The following NRDC variants were observed in gnomAD, a reference collection of about 807,000 sequenced individuals.
NRDC encodes nardilysin.
A neutral mutation model predicts 147.1 loss-of-function variants in NRDC; 54 were observed. That is an observed-to-expected ratio of 0.37 (90% CI 0.29 to 0.46). NRDC has a LOEUF of 0.46. Among genes scored for constraint, NRDC ranks in the 20% least tolerant of loss-of-function variants. NRDC has a pLI of 1.00. For synonymous variants in NRDC, 440 were observed against 482.1 expected, an observed-to-expected ratio of 0.91 and a Z score of 1.14; for missense variants, 1,082 against 1,370.6, an observed-to-expected ratio of 0.79 and a Z score of 3.33.
chr1:51,789,677 T>C lies in NRDC; in HGVS notation c.3169-20A>G, dbSNP rs1678487358. 3.9e-6 allele frequency: 6 copies of C among 1,558,324 alleles called. No homozygotes were observed. The highest frequency in any genetic ancestry group is 1.1e-5 in the South Asian group (1 of 89,908). ...TTCAATCTTACAAGGGAAGGGAAGATAGGAAAGAAATTCAAGAAGAAAGAT... is the reference window on the plus strand; with the variant it reads ...TTCAATCTTACAAGGGAAGGGAAGACAGGAAAGAAATTCAAGAAGAAAGAT... On this transcript the variant is annotated intron_variant, in intron 29 of 30. Coordinates refer to ENST00000352171, the MANE Select transcript of NRDC (RefSeq NM_001101662.2).
intron 1 of NRDC, among the ~76,000 whole-genome samples, chr1:51,848,557 G>C (rs938621569): frequency 6.6e-6 from 1 of 152,050 alleles, no homozygotes; most frequent in African/African-American, 2.4e-5. Flanking sequence ...TTATTACCTA[G>C]AACAAGAGAA....
chr1:51,878,415 G>A lies in NRDC; in HGVS notation c.201C>T (p.Pro67=), dbSNP rs144511135. 7.6e-5 allele frequency: 123 copies of A among 1,614,082 alleles called. 1 individual carries two copies. The African/African-American group carries it at 1.5e-3, about 19-fold the overall frequency. The stretch of plus-strand genomic sequence containing the variant: ...TGTTCTCGCCCAGATCCTGTCCATT[G>A]GGCTGCAGGTCAGGGCAGCTGCAGG... ...KSTCSCPDLQ[P]NGQDLGENSR... Residue 67 remains proline (P), a synonymous_variant, in exon 1 of 31, where the codon CCC becomes CCT. Transcript: ENST00000352171.
chr1:51,859,466 C>T (rs2124064579), intron 1 of NRDC, among the ~76,000 whole-genome samples: 1 of 152,374 alleles, frequency 6.6e-6, no homozygotes, highest in East Asian at 1.9e-4. Context: ...AGGCCACCAG[C>T]TGCAAGGCAG....
chr1:51,828,352 T>C (rs1399832078), intron 4 of NRDC, among the ~76,000 whole-genome samples: 1 of 152,232 alleles, frequency 6.6e-6, no homozygotes, highest in South Asian at 2.1e-4. Context: ...CTTTGTAAAA[T>C]TGTAATATCA....
At chr1:51,847,881 G>C (rs549048326) in intron 1 of NRDC, among the ~76,000 whole-genome samples, 1 of 152,270 alleles carries the variant, frequency 6.6e-6, no homozygotes. Context: ...CCGAGGAGGC[G>C]CCAAGAGCAA....
In NRDC at chr1:51,789,364, A is replaced by G. The variant is rs1169299748; in HGVS notation, c.3328T>C (p.Cys1110Arg). The change falls in exon 31 of 31, where the codon TGT (cysteine) becomes CGT (arginine). Residue 1110 changes from cysteine (C) to arginine (R), a missense_variant. This residue lies in a region of NRDC where 187 missense variants were observed against 193.6 expected (regional missense o/e 0.97). Coordinates refer to ENST00000352171, the MANE Select transcript of NRDC (RefSeq NM_001101662.2). The stretch of plus-strand genomic sequence containing the variant: ...AGGTAGGTCAGCTGCATCACTTCAC[A>G]AGAAGAATTTGAATCCTCACTAGAA... ...TPSSEDSNSS[C>R]EVMQLTYLPT... The G allele has an allele frequency of 1.2e-6, 2 of 1,613,840 alleles. No individual in the cohort carries two copies. The highest frequency in any genetic ancestry group is 1.7e-6 in the Non-Finnish European group (2 of 1,180,020).
At chr1:51,831,563 C>G (rs1187171894) in intron 4 of NRDC, among the ~76,000 whole-genome samples, 1 of 151,856 alleles carries the variant, frequency 6.6e-6, no homozygotes, top group Non-Finnish European at 1.5e-5. Flanking sequence ...ATTTGCATTG[C>G]CTTCATTGAT....
In NRDC at chr1:51,824,961, T is replaced by C. The variant is rs74982383; in HGVS notation, c.1036+326A>G. On this transcript the variant is annotated intron_variant, in intron 6 of 30. Transcript: ENST00000352171. ...AACCACCACGCCTGGCCTAAACCTG[T>C]TTATCTTTAAATGGAGATGATAATG... Among the ~76,000 whole-genome samples the C allele has an allele frequency of 2.9e-3, 440 of 152,302 alleles. 14 individuals carry two copies. The East Asian group carries it at 0.078, about 27-fold the overall frequency.
intron 1 of NRDC, among the ~76,000 whole-genome samples, chr1:51,846,639 C>T (rs1359662908): frequency 6.6e-6 from 1 of 152,212 alleles, no homozygotes; most frequent in Non-Finnish European, 1.5e-5. Context: ...AAGCTGCAGA[C>T]CTTCAGGGTG....
chr1:51,877,383 T>C (rs1683383782), intron 1 of NRDC, among the ~76,000 whole-genome samples: 1 of 151,210 alleles, frequency 6.6e-6, no homozygotes, highest in Non-Finnish European at 1.5e-5. Flanking sequence ...AGTCCAGGCC[T>C]GGCACAGTGG....
intron 11 of NRDC, among the ~76,000 whole-genome samples, chr1:51,815,277 C>T (rs1378714265): frequency 2.0e-5 from 3 of 151,444 alleles, no homozygotes; most frequent in African/African-American, 7.3e-5. Flanking sequence ...TCCACCTCGG[C>T]CTCCCAAGTG....
intron 1 of NRDC, among the ~76,000 whole-genome samples, chr1:51,873,494 T>TATTC (rs1683183602): frequency 6.7e-6 from 1 of 149,510 alleles, no homozygotes; most frequent in Non-Finnish European, 1.5e-5. Flanking sequence ...TTTATTTATT[T>TATTC]ATTTATTTAT....
intron 2 of NRDC, among the ~76,000 whole-genome samples, chr1:51,838,789 T>C (rs1208593029): frequency 2.0e-5 from 3 of 152,306 alleles, no homozygotes; most frequent in East Asian, 1.9e-4. Context: ...TTATGAGATC[T>C]ATTTTAAGTT....
intron 10 of NRDC, among the ~76,000 whole-genome samples, 154 bp downstream of exon 10, chr1:51,817,912 T>C (rs1680045882): frequency 6.6e-6 from 1 of 152,208 alleles, no homozygotes; most frequent in Non-Finnish European, 1.5e-5. Context: ...GTAAAATACA[T>C]AGCAAGGCTT....
At chr1:51,875,179 AG>A (rs1683261891) in intron 1 of NRDC, among the ~76,000 whole-genome samples, 1 of 152,350 alleles carries the variant, frequency 6.6e-6, no homozygotes, top group East Asian at 1.9e-4. Flanking sequence ...AAGTCTTTAA[AG>A]ATCACCTAGT....
chr1:51,789,690 CAAG>C, intron 29 of NRDC, 33 bp from the exon 30 acceptor site: 3 of 1,490,462 alleles, frequency 2.0e-6, no homozygotes, highest in Non-Finnish European at 2.8e-6. Context: ...GAAAGAAATT[CAAG>C]AAGAAAGATA....
At chr1:51,836,442 AG>A (rs1437603923) in intron 2 of NRDC, 1 of 1,613,528 alleles carries the variant, frequency 6.2e-7, no homozygotes, top group Non-Finnish European at 8.5e-7. Flanking sequence ...TGCAGACCTA[AG>A]GAAAAAAAGC....
chr1:51,813,670 A>G (rs12060964), intron 14 of NRDC, among the ~76,000 whole-genome samples: 3,389 of 152,314 alleles, frequency 0.022, 113 homozygotes, highest in African/African-American at 0.078. Context: ...AACATTATAC[A>G]TGGTAAATAT....
intron 15 of NRDC, among the ~76,000 whole-genome samples, chr1:51,810,700 C>T (rs1018352005): frequency 1.6e-4 from 24 of 152,188 alleles, no homozygotes; most frequent in African/African-American, 2.4e-5. Context: ...TCCTTTACTA[C>T]TAAGCTTCTA....
Sources: allele counts gnomAD v4.1 joint callset (sites outside exome capture counted in the v4.1 genomes callset), GRCh38; gene constraint gnomAD v4.1.1; regional missense constraint gnomAD v4.1.1; transcripts MANE v1.5; gene names NCBI Gene and HGNC (gene_info 2026-07-23, HGNC 2026-07-21).